The following CSPP1 variants were observed in gnomAD, a reference collection of about 807,000 sequenced individuals.
CSPP1 encodes centrosome and spindle pole-associated protein 1.
Under a neutral mutation model 164.4 loss-of-function variants are expected in CSPP1, and 126 were observed. The observed-to-expected ratio is 0.77, with a 90% CI of 0.66 to 0.89. CSPP1 has a LOEUF of 0.89. Ranked by LOEUF, CSPP1 falls within the 40% of genes least tolerant of loss-of-function variation. The pLI is 0.00. For missense variants in CSPP1, 1,395 were observed against 1,449.8 expected (o/e 0.96, Z 0.61); for synonymous variants, 472 against 476.7 (o/e 0.99, Z 0.13).
chr8:67,156,010 C>T (rs1009095775), intron 19 of CSPP1, among the ~76,000 whole-genome samples: 11 of 152,028 alleles, frequency 7.2e-5, no homozygotes, highest in African/African-American at 2.7e-4. Context: ...CCCTGTTGAA[C>T]GTAAAGGACC....
At chr8:67,103,169 C>A in intron 8 of CSPP1, 34 bp downstream of exon 8, 1 of 1,295,192 alleles carries the variant, frequency 7.7e-7, no homozygotes, top group Non-Finnish European at 1.1e-6. Flanking sequence ...CTGCTTTAGT[C>A]ATTACATTGT....
intron 3 of CSPP1, among the ~76,000 whole-genome samples, chr8:67,077,703 A>C (rs1422815166): frequency 6.6e-6 from 1 of 152,242 alleles, no homozygotes; most frequent in Non-Finnish European, 1.5e-5. Flanking sequence ...TCACAAAAAG[A>C]AAATCAACTA....
chr8:67,073,516 C>CCT (rs1807280595), intron 1 of CSPP1, among the ~76,000 whole-genome samples: 1 of 152,066 alleles, frequency 6.6e-6, no homozygotes, highest in Admixed American at 6.5e-5. Context: ...GCAATCAGTA[C>CCT]CTAACTTAGA....
Position 67,137,872 on chromosome 8 carries a change from T to A in CSPP1, c.1975+269T>A, listed in dbSNP as rs192812038. Among the ~76,000 whole-genome samples, 10 of 152,332 alleles carry A rather than the reference T, an allele frequency of 6.6e-5. No homozygotes were observed. The South Asian group carries it at 8.3e-4, about 13-fold the overall frequency. ...GCAGAGAAAAGCTCATGTTAGTTGA[T>A]AAGTTTTTACTGAAACTGGTACTTA... On this transcript the variant is annotated intron_variant, in intron 17 of 30. Transcript: ENST00000678616.
chr8:67,114,529 A>G (rs1424535615), intron 12 of CSPP1, 159 bp downstream of exon 12: 1 of 152,508 alleles, frequency 6.6e-6, no homozygotes, highest in Non-Finnish European at 1.5e-5. Context: ...AAAATTATTT[A>G]CCTGTAGGCA....
intron 12 of CSPP1, chr8:67,114,625 G>A (rs191915747): frequency 2.8e-4 from 42 of 152,260 alleles, no homozygotes; most frequent in African/African-American, 9.9e-4. Context: ...AGCATCACTC[G>A]CAGTATGCTT....
At chr8:67,151,565 A>G (rs923807950) in intron 18 of CSPP1, among the ~76,000 whole-genome samples, 2 of 152,184 alleles carry the variant, frequency 1.3e-5, no homozygotes, top group African/African-American at 2.4e-5. Flanking sequence ...CAAAAACACC[A>G]GAAAATCAAC....
At chr8:67,065,571 A>G (rs1317531885) in intron 1 of CSPP1, 1 of 939,480 alleles carries the variant, frequency 1.1e-6, no homozygotes, top group African/African-American at 1.8e-5. Flanking sequence ...TCTTCTCCCT[A>G]GGAGGTCGCT....
intron 28 of CSPP1, among the ~76,000 whole-genome samples, chr8:67,185,963 A>T (rs1428127027): frequency 2.0e-5 from 3 of 152,202 alleles, no homozygotes; most frequent in Admixed American, 6.5e-5. Context: ...CTTTGCACTT[A>T]AAGCAAAAAT....
intron 5 of CSPP1, 118 bp downstream of exon 5, chr8:67,092,001 T>C: frequency 1.1e-5 from 3 of 283,222 alleles, no homozygotes; most frequent in Non-Finnish European, 2.1e-5. Flanking sequence ...CACACTTGAA[T>C]ATATTTCTAT....
chr8:67,104,746 T>C (rs979659804), intron 8 of CSPP1, among the ~76,000 whole-genome samples: 3 of 151,812 alleles, frequency 2.0e-5, no homozygotes, highest in Non-Finnish European at 2.9e-5. Context: ...CAAGTGATTC[T>C]CCTGCCTCGG....
intron 1 of CSPP1, among the ~76,000 whole-genome samples, chr8:67,071,055 C>T (rs72654938): frequency 0.086 from 13,057 of 152,156 alleles, 766 homozygotes; most frequent in Non-Finnish European, 0.12. Context: ...GCCCAGCCTA[C>T]GGCTATGTTT....
At chr8:67,135,704 A>G (rs1413918778) in intron 16 of CSPP1, 2 of 152,194 alleles carry the variant, frequency 1.3e-5, no homozygotes, top group African/African-American at 4.8e-5. Flanking sequence ...TATCATTCAT[A>G]TGTTTACTGG....
chr8:67,073,674 C>A (rs752040554), intron 1 of CSPP1, among the ~76,000 whole-genome samples: 6 of 152,110 alleles, frequency 3.9e-5, no homozygotes, highest in African/African-American at 1.4e-4. Context: ...TAACCCAATT[C>A]TTAAGACACA....
At chr8:67,189,693 A>G (rs1835668216) in intron 28 of CSPP1, among the ~76,000 whole-genome samples, 1 of 152,210 alleles carries the variant, frequency 6.6e-6, no homozygotes, top group Non-Finnish European at 1.5e-5. Context: ...ACACTGAAAT[A>G]TTGAGAGACA....
chr8:67,086,164 A>G, intron 4 of CSPP1, 54 bp downstream of exon 4: 1 of 879,682 alleles, frequency 1.1e-6, no homozygotes, highest in Non-Finnish European at 2.0e-6. Context: ...CAGCTCCTAA[A>G]TTTGTTTTCA....
rs1342239252 is a variant in CSPP1, at chr8:67,162,007, G to T, written c.2643+92G>T. 3 of 839,208 alleles carry T rather than the reference G, an allele frequency of 3.6e-6. No homozygotes were observed. In the Admixed American group the frequency reaches 6.7e-5, roughly 19 times the overall value. 52.0% of individuals were successfully genotyped at this position (839,208 alleles called of 1,614,324 possible). ...TTTTCTTTTTCATTATATTTGGATAGGTTAAATTTTTTCAGATCTGAAATA... is the reference window on the plus strand; with the variant it reads ...TTTTCTTTTTCATTATATTTGGATATGTTAAATTTTTTCAGATCTGAAATA... On this transcript the variant is annotated intron_variant, in intron 22 of 30. Transcript: ENST00000678616.
chr8:67,163,861 T>C, intron 23 of CSPP1, 63 bp downstream of exon 23: 1 of 1,310,132 alleles, frequency 7.6e-7, no homozygotes, highest in Non-Finnish European at 1.1e-6. Flanking sequence ...CATTTTGAAA[T>C]AATTATAAAC....
At chr8:67,181,338 ATTTTTTT>A (rs58029238) in intron 28 of CSPP1, among the ~76,000 whole-genome samples, 14 of 112,642 alleles carry the variant, frequency 1.2e-4, no homozygotes, top group East Asian at 1.0e-3. Context: ...GTACCTGGCC[ATTTTTTT>A]TTTTTTTTTT....
Sources: gnomAD v4.1 joint callset for allele counts (sites outside exome capture counted in the v4.1 genomes callset) on GRCh38, gnomAD v4.1.1 for gene constraint, MANE v1.5 for transcripts, NCBI Gene and HGNC (gene_info 2026-07-23, HGNC 2026-07-21) for gene names.